The following COPS2 variants were observed in gnomAD, a reference collection of about 807,000 sequenced individuals.
COPS2 encodes the protein COP9 signalosome subunit 2, also known as COP9 signalosome complex subunit 2.
A neutral mutation model predicts 66.1 loss-of-function variants in COPS2; 10 were observed. The ratio of observed to expected loss-of-function variants is 0.15; its 90% CI spans 0.09 to 0.26. The LOEUF (loss-of-function observed/expected upper bound fraction) is 0.26. Among genes scored for constraint, COPS2 ranks in the 10% least tolerant of loss-of-function variants. COPS2 has a pLI of 1.00. For missense variants in COPS2, 215 were observed against 513.3 expected, an observed-to-expected ratio of 0.42 and a Z score of 5.62; for synonymous variants, 179 against 171.3, an observed-to-expected ratio of 1.04 and a Z score of -0.35.
At position 49,144,209 on chromosome 15, in the gene COPS2, C is replaced by A; in HGVS notation, c.246+18G>T. 6.6e-7 allele frequency: 1 copy of A among 1,521,124 alleles called. No homozygotes were observed. The highest frequency in any genetic ancestry group is 1.4e-5 in the African/African-American group (1 of 73,072). 94.2% of individuals were successfully genotyped at this position (1,521,124 alleles called of 1,614,324 possible). On this transcript the variant is annotated intron_variant, in intron 3 of 12. Coordinates refer to ENST00000388901, the MANE Select transcript of COPS2 (RefSeq NM_004236.4). ...CTACAAAATTTATTAGTTTAATTCC[C>A]CTCAAAACAAATCTTACCAACTTGA... is the stretch of plus-strand genomic sequence containing the variant.
rs968487807 is a variant in COPS2, at chr15:49,125,809, T to A, written c.*2141A>T. The A allele has an allele frequency of 1.4e-4, 22 of 152,110 alleles. No homozygotes were observed. The highest frequency in any genetic ancestry group is 5.3e-4 in the African/African-American group (22 of 41,472). The allele number at this position is 152,110 out of a possible 1,614,324, so 9.4% of individuals were successfully genotyped here. ...GTATAACTTTGGATACTGTTATATA[T>A]TTAGCCCAGTTTTCCAAATAACAAG... On this transcript the variant is annotated 3_prime_UTR_variant, in exon 13 of 13. Coordinates refer to ENST00000388901, the MANE Select transcript of COPS2 (RefSeq NM_004236.4).
intron 6 of COPS2, among the ~76,000 whole-genome samples, chr15:49,135,055 CAT>C (rs2084241036): frequency 6.6e-6 from 1 of 152,106 alleles, no homozygotes; most frequent in Non-Finnish European, 1.5e-5. Context: ...TACAGTGAGA[CAT>C]TAACAATAAC....
intron 7 of COPS2, 42 bp from the exon 8 acceptor site, chr15:49,134,150 C>A: frequency 6.5e-7 from 1 of 1,532,496 alleles, no homozygotes. Context: ...ATTTTCAGTT[C>A]TGTAATAACA....
chr15:49,132,424 T>A (rs2084217764), intron 9 of COPS2, among the ~76,000 whole-genome samples: 1 of 151,714 alleles, frequency 6.6e-6, no homozygotes, highest in South Asian at 2.1e-4. Flanking sequence ...CACAGGAACT[T>A]TAATATCATG....
At chr15:49,133,503 G>C (rs2084229625) in intron 9 of COPS2, among the ~76,000 whole-genome samples, 1 of 152,152 alleles carries the variant, frequency 6.6e-6, no homozygotes, top group South Asian at 2.1e-4. Flanking sequence ...AAAGACACAG[G>C]TGCATTCGTG....
intron 9 of COPS2, among the ~76,000 whole-genome samples, chr15:49,132,612 A>C (rs987015482): frequency 6.6e-6 from 1 of 150,408 alleles, no homozygotes; most frequent in Admixed American, 6.6e-5. Flanking sequence ...TCATGTCCCT[A>C]ACTACATTTT....
chr15:49,151,594 T>C (rs2084362085), intron 1 of COPS2, among the ~76,000 whole-genome samples: 1 of 152,042 alleles, frequency 6.6e-6, no homozygotes, highest in Non-Finnish European at 1.5e-5. Context: ...ACTTAATGAA[T>C]GGCACTATGA....
At chr15:49,139,703 T>C (rs76551856) in intron 3 of COPS2, 50 bp from the exon 4 acceptor site, 49,004 of 1,366,804 alleles carry the variant, frequency 0.036, 1,817 homozygotes, top group African/African-American at 0.17. Flanking sequence ...GGTACTAAAA[T>C]ATGTACACAT....
chr15:49,135,630 T>C (rs1042625409), intron 6 of COPS2, among the ~76,000 whole-genome samples: 1 of 152,040 alleles, frequency 6.6e-6, no homozygotes, highest in Non-Finnish European at 1.5e-5. Flanking sequence ...CCATGAAAAA[T>C]AGCAATATGA....
At chr15:49,138,557 G>GA (rs2084269311) in intron 4 of COPS2, among the ~76,000 whole-genome samples, 2 of 152,100 alleles carry the variant, frequency 1.3e-5, no homozygotes, top group African/African-American at 4.8e-5. Flanking sequence ...TTAAGAGTTG[G>GA]AAAACATTTT....
intron 1 of COPS2, among the ~76,000 whole-genome samples, chr15:49,152,554 A>G (rs1198158685): frequency 2.0e-5 from 3 of 152,156 alleles, no homozygotes; most frequent in Admixed American, 6.5e-5. Context: ...GGTTGTGGTG[A>G]CTAACACCGG....
chr15:49,131,464 C>T (rs2084208184), intron 9 of COPS2, among the ~76,000 whole-genome samples: 1 of 151,436 alleles, frequency 6.6e-6, no homozygotes, highest in Non-Finnish European at 1.5e-5. Flanking sequence ...ATGGGAATTG[C>T]TAAAGGTGCT....
chr15:49,134,314 GC>G, intron 7 of COPS2, 25 bp downstream of exon 7: 2 of 1,607,120 alleles, frequency 1.2e-6, no homozygotes, highest in Non-Finnish European at 8.5e-7. Flanking sequence ...CCATGCCACT[GC>G]CCACCCTCTC....
chr15:49,139,205 GGCTA>G lies in COPS2; in HGVS notation c.372+319_372+322del, dbSNP rs1194243644. 2.1e-5 allele frequency: 4 copies of G among 193,288 alleles called. No individual in the cohort carries two copies. The East Asian group carries it at 4.9e-4, about 24-fold the overall frequency. The allele number at this position is 193,288 out of a possible 1,614,324, so 12.0% of individuals were successfully genotyped here. Reference sequence around the variant, plus strand: ...TTCAGTGTATTTAACACCTCAGAATGGCTAGCTAAAGTGTTAATGTAGTTTATTA... The same window carrying G: ...TTCAGTGTATTTAACACCTCAGAATGGCTAAAGTGTTAATGTAGTTTATTA... On this transcript the variant is annotated intron_variant, in intron 4 of 12. Coordinates refer to ENST00000388901, the MANE Select transcript of COPS2 (RefSeq NM_004236.4).
intron 10 of COPS2, among the ~76,000 whole-genome samples, chr15:49,130,239 AT>A (rs1275053986): frequency 6.6e-6 from 1 of 152,180 alleles, no homozygotes; most frequent in Non-Finnish European, 1.5e-5. Context: ...CAAAGAGATG[AT>A]TGTAGTCTTT....
At position 49,144,320 on chromosome 15, in the gene COPS2, A is replaced by C. The variant is rs140532340; in HGVS notation, c.169-16T>G. 1.2e-4 allele frequency: 179 copies of C among 1,497,638 alleles called. No homozygotes were observed. The African/African-American group carries it at 2.1e-3, about 17-fold the overall frequency. 92.8% of individuals were successfully genotyped at this position (1,497,638 alleles called of 1,614,324 possible). A position where few individuals can be genotyped will look rare whatever the true frequency, so the allele number is the denominator to read the frequency against. On this transcript the variant is annotated splice_polypyrimidine_tract_variant and intron_variant, in intron 2 of 12. Coordinates refer to ENST00000388901, the MANE Select transcript of COPS2 (RefSeq NM_004236.4). ...GTTCCAAAACCTAAAAAGAGGAAGA[A>C]ATTTTTAGTTTATCTTAATATTAAC...
chr15:49,137,117 A>G (rs1017870710), intron 6 of COPS2, 33 bp downstream of exon 6: 1 of 1,348,012 alleles, frequency 7.4e-7, no homozygotes, highest in Admixed American at 2.3e-5. Flanking sequence ...TTTATTATGA[A>G]GAAATATTCA....
chr15:49,150,450 A>G (rs1311436435), intron 1 of COPS2, among the ~76,000 whole-genome samples: 1 of 152,096 alleles, frequency 6.6e-6, no homozygotes, highest in Non-Finnish European at 1.5e-5. Flanking sequence ...ATCGACCATC[A>G]TCTTTCTACT....
At chr15:49,131,119 G>C (rs1409379063) in intron 9 of COPS2, among the ~76,000 whole-genome samples, 1 of 151,878 alleles carries the variant, frequency 6.6e-6, no homozygotes, top group Admixed American at 6.6e-5. Context: ...TTAAAAGTTG[G>C]CAATAAAACA....
Sources: allele counts gnomAD v4.1 joint callset (sites outside exome capture counted in the v4.1 genomes callset), GRCh38; gene constraint gnomAD v4.1.1; transcripts MANE v1.5; gene names NCBI Gene and HGNC (gene_info 2026-07-23, HGNC 2026-07-21).